ZNF581: variants seen among roughly 807,000 people sequenced by gnomAD.
ZNF581 encodes zinc finger protein 581.
A neutral mutation model predicts 1.2 loss-of-function variants in ZNF581; 1 was observed. The observed-to-expected ratio is 0.83, with a 90% CI of 0.30 to 3.95. The LOEUF is 3.95. Ranked by LOEUF, ZNF581 falls within the 30% of genes most tolerant of loss-of-function variation. The pLI is 0.18. For missense variants in ZNF581, 273 were observed against 274.6 expected, an observed-to-expected ratio of 0.99 and a Z score of 0.04; for synonymous variants, 105 against 109.2, an observed-to-expected ratio of 0.96 and a Z score of 0.24.
chr19:55,637,607 A>G (rs1036477720), upstream of ZNF581, among the ~76,000 whole-genome samples: 2 of 152,078 alleles, frequency 1.3e-5, no homozygotes, highest in Non-Finnish European at 2.9e-5. Flanking sequence ...TGCTGCTGCT[A>G]TAAGCTGGGC....
upstream of ZNF581, among the ~76,000 whole-genome samples, chr19:55,639,747 G>A (rs951116458): frequency 2.0e-5 from 3 of 152,138 alleles, no homozygotes; most frequent in Non-Finnish European, 4.4e-5. Context: ...CTCCCAAGTA[G>A]CTGGGACTGT....
upstream of ZNF581, among the ~76,000 whole-genome samples, chr19:55,637,617 C>T (rs1982170541): frequency 6.6e-6 from 1 of 152,062 alleles, no homozygotes; most frequent in African/African-American, 2.4e-5. Flanking sequence ...ATAAGCTGGG[C>T]GTAAGTGGTG....
chr19:55,638,843 T>C (rs1982251168), upstream of ZNF581, among the ~76,000 whole-genome samples: 1 of 151,786 alleles, frequency 6.6e-6, no homozygotes. Flanking sequence ...AAAATTGTTA[T>C]ATTTTATATA....
chr19:55,640,430 T>C, upstream of ZNF581: 1 of 985,408 alleles, frequency 1.0e-6, no homozygotes, highest in Middle Eastern at 5.2e-4. Context: ...CGCTTCGGTG[T>C]CGCCACATGC....
rs994765771 is a variant in ZNF581, at chr19:55,644,496, G to A, written c.-19-57G>A. ...ATAGGGAGGGAAAAGGATGGAGCCTGTGGTGCTGAGCTGCCCTCTTCTATA... is the reference window on the plus strand; with the variant it reads ...ATAGGGAGGGAAAAGGATGGAGCCTATGGTGCTGAGCTGCCCTCTTCTATA... On this transcript the variant is annotated intron_variant, in intron 1 of 1. Transcript: ENST00000270451. This position sits in a 1 kb window ranked among gnomAD's most constrained non-coding sequence, Gnocchi z 4.3. 8.9e-7 allele frequency: 1 copy of A among 1,129,668 alleles called. No homozygotes were observed. Among genetic ancestry groups the A allele is most frequent in the African/African-American group, 1.6e-5 (1 of 63,806 alleles). The allele number at this position is 1,129,668 out of a possible 1,614,324, so 70.0% of individuals were successfully genotyped here.
chr19:55,636,731 G>A (rs1406449655), upstream of ZNF581, among the ~76,000 whole-genome samples: 3 of 152,110 alleles, frequency 2.0e-5, no homozygotes, highest in Non-Finnish European at 1.5e-5. Flanking sequence ...GGAGGACGCA[G>A]AGCAGGGCAC....
Position 55,645,052 on chromosome 19 carries a change from G to A in ZNF581, c.481G>A (p.Ala161Thr). ...CCGCTTCCGGGATGCGGGTGAGCTG[G>A]CCCAGCACAGCCGGGTGCACTCTGG... ...PRRFRDAGEL[A>T]QHSRVHSGER... The change falls in exon 2 of 2, where the codon GCC becomes ACC. Residue 161 changes from alanine (A) to threonine (T), a missense_variant. Coordinates refer to ENST00000270451, the MANE Select transcript of ZNF581 (RefSeq NM_016535.4). 1.3e-6 allele frequency: 2 copies of A among 1,576,588 alleles called. No homozygotes were observed. The highest frequency in any genetic ancestry group is 1.7e-6 in the Non-Finnish European group (2 of 1,155,446).
upstream of ZNF581, chr19:55,643,511 T>TGG (rs5828637): frequency 2.4e-4 from 38 of 159,304 alleles, no homozygotes; most frequent in Middle Eastern, 6.5e-3. Flanking sequence ...CGTTGGGTGC[T>TGG]GGGGGGTGGA....
At chr19:55,640,839 G>A (rs906285290), upstream of ZNF581, 17 of 985,530 alleles carry the variant, frequency 1.7e-5, no homozygotes, top group Non-Finnish European at 2.0e-5. Flanking sequence ...GAATCGTTCC[G>A]TTCGGGAGGT....
At chr19:55,640,361 C>T, upstream of ZNF581, 1 of 985,476 alleles carries the variant, frequency 1.0e-6, no homozygotes, top group Non-Finnish European at 1.2e-6. Flanking sequence ...TTCCAGTGGG[C>T]CCCGTGGGCA....
upstream of ZNF581, among the ~76,000 whole-genome samples, chr19:55,641,606 C>T (rs1481812044): frequency 3.3e-5 from 5 of 151,736 alleles, no homozygotes; most frequent in Admixed American, 2.0e-4. Context: ...GAAGCGGAGT[C>T]CCGGAGCCTG....
rs943313371 is a variant in ZNF581 at position 55,643,669 on chromosome 19, A to C, written c.-125A>C. 1 of 152,158 alleles carries C rather than the reference A, an allele frequency of 6.6e-6. No individual in the cohort carries two copies. Among genetic ancestry groups the C allele is most frequent in the Non-Finnish European group, 1.5e-5 (1 of 68,114 alleles). The allele number at this position is 152,158 out of a possible 1,614,324, so 9.4% of individuals were successfully genotyped here. On this transcript the variant is annotated 5_prime_UTR_variant, in exon 1 of 2. Coordinates refer to ENST00000270451, the MANE Select transcript of ZNF581 (RefSeq NM_016535.4). The stretch of plus-strand genomic sequence containing the variant: ...CTTCTCTCTTTCGGCCGGCGCCGCC[A>C]GTTCCTGGGGCACACCCAGAGGTCC...
upstream of ZNF581, chr19:55,640,114 C>A (rs975246703): frequency 1.1e-5 from 11 of 985,172 alleles, no homozygotes; most frequent in Non-Finnish European, 1.3e-5. Flanking sequence ...CTCTTCTGTC[C>A]CCCACTCTCA....
upstream of ZNF581, chr19:55,642,521 C>T (rs1005818255): frequency 1.4e-6 from 2 of 1,438,736 alleles, no homozygotes; most frequent in African/African-American, 1.5e-5. Flanking sequence ...GCTGCTGCTG[C>T]CGCCGCGGCC....
chr19:55,645,511 C>T lies in ZNF581; in HGVS notation c.*346C>T, dbSNP rs547916042. 2.2e-5 allele frequency: 5 copies of T among 225,386 alleles called. No individual in the cohort carries two copies. Among genetic ancestry groups the T allele is most frequent in the South Asian group, 3.7e-4 (2 of 5,422 alleles). 14.0% of individuals were successfully genotyped at this position (225,386 alleles called of 1,614,324 possible). ...GTGGCTGTGGGTCGTCAGGAATCTG[C>T]GCCATCTTCCTGGGGCTTCTGCGCT... On this transcript the variant is annotated 3_prime_UTR_variant, in exon 2 of 2. Coordinates refer to ENST00000270451, the MANE Select transcript of ZNF581 (RefSeq NM_016535.4).
At chr19:55,642,061 ACTGGGG>A, upstream of ZNF581, 4 of 986,800 alleles carry the variant, frequency 4.1e-6, no homozygotes, top group Non-Finnish European at 4.8e-6. Flanking sequence ...AGTAAACTGA[ACTGGGG>A]CTGGGCAACA....
At chr19:55,636,855 G>A (rs1982122390), upstream of ZNF581, among the ~76,000 whole-genome samples, 1 of 152,194 alleles carries the variant, frequency 6.6e-6, no homozygotes, top group Non-Finnish European at 1.5e-5. Flanking sequence ...TCACAGAGAG[G>A]GGAGGAGCTA....
At chr19:55,642,655 G>T, upstream of ZNF581, 1 of 1,424,026 alleles carries the variant, frequency 7.0e-7, no homozygotes, top group South Asian at 1.5e-5. Context: ...GACCCCCGCG[G>T]CTGGGCCGCC....
upstream of ZNF581, among the ~76,000 whole-genome samples, chr19:55,638,189 T>C (rs947625987): frequency 1.3e-5 from 2 of 152,098 alleles, no homozygotes; most frequent in Non-Finnish European, 2.9e-5. Flanking sequence ...AGTTGGCATA[T>C]CTCATGGTGG....
Sources: gnomAD v4.1 joint callset for allele counts (sites outside exome capture counted in the v4.1 genomes callset) on GRCh38, gnomAD v4.1.1 for gene constraint, Gnocchi (gnomAD v3.1) non-coding constraint, MANE v1.5 for transcripts, NCBI Gene and HGNC (gene_info 2026-07-23, HGNC 2026-07-21) for gene names.